MACROD2: variants seen among roughly 807,000 people sequenced by gnomAD.
MACROD2 encodes ADP-ribose glycohydrolase MACROD2.
Under a neutral mutation model 70.4 loss-of-function variants are expected in MACROD2, and 36 were observed. That is an observed-to-expected ratio of 0.51 (90% confidence interval 0.39 to 0.68). MACROD2 has a LOEUF of 0.68. Among genes scored for constraint, MACROD2 ranks in the 30% least tolerant of loss-of-function variants. The pLI, the probability that MACROD2 is intolerant of heterozygous loss-of-function variation, is 0.00. For synonymous variants in MACROD2, 172 were observed against 178.8 expected, an observed-to-expected ratio of 0.96 and a Z score of 0.30; for missense variants, 496 against 538.4, an observed-to-expected ratio of 0.92 and a Z score of 0.78.
rs533086876 is a variant in MACROD2, at chr20:14,260,640, C to T, written c.271+174912C>T. Among the ~76,000 whole-genome samples the T allele has an allele frequency of 5.3e-5, 8 of 152,290 alleles. No individual in the cohort carries two copies. The South Asian group carries it at 1.7e-3, about 32-fold the overall frequency. ...TTAAAGAGGCAATGTGATGTAGTGG[C>T]TTAGGACACAGTCTGGACAGACTGC... On this transcript the variant is annotated intron_variant, in intron 3 of 17. Coordinates refer to ENST00000684519, the MANE Select transcript of MACROD2 (RefSeq NM_001351661.2).
chr20:15,495,111 C>T (rs1253018435), intron 7 of MACROD2, among the ~76,000 whole-genome samples: 1 of 152,202 alleles, frequency 6.6e-6, no homozygotes, highest in East Asian at 1.9e-4. Context: ...AGCCTCCCCT[C>T]CGGGTGGCCA....
intron 6 of MACROD2, among the ~76,000 whole-genome samples, chr20:15,276,967 T>C (rs769438722): frequency 2.6e-5 from 4 of 152,228 alleles, no homozygotes; most frequent in Non-Finnish European, 4.4e-5. Flanking sequence ...AAGAAAAATA[T>C]AATTGGTATC....
intron 3 of MACROD2, among the ~76,000 whole-genome samples, chr20:14,098,133 A>G (rs1461104142): frequency 6.6e-6 from 1 of 152,214 alleles, no homozygotes; most frequent in Non-Finnish European, 1.5e-5. Context: ...AGTAAATGGT[A>G]GCAGAATTAT....
intron 4 of MACROD2, among the ~76,000 whole-genome samples, chr20:14,633,309 C>T (rs1292560108): frequency 6.6e-6 from 1 of 152,178 alleles, no homozygotes; most frequent in African/African-American, 2.4e-5. Flanking sequence ...TTGCTAAGAC[C>T]CTTTTTCCAC....
At chr20:14,394,385 A>C (rs912631713) in intron 3 of MACROD2, among the ~76,000 whole-genome samples, 1 of 152,304 alleles carries the variant, frequency 6.6e-6, no homozygotes, top group Non-Finnish European at 1.5e-5. Flanking sequence ...TAAATGGAAA[A>C]GGTTTTTATT....
Position 15,899,299 on chromosome 20 carries a change from T to C in MACROD2, c.775+13488T>C, listed in dbSNP as rs117855998. 3.9e-3 allele frequency among the ~76,000 whole-genome samples: 591 copies of C among 152,220 alleles called. 2 individuals are homozygous for C. Among genetic ancestry groups the C allele is most frequent in the South Asian group, 0.023 (113 of 4,834 alleles). On this transcript the variant is annotated intron_variant, in intron 10 of 17. Transcript: ENST00000684519. ...ACATACATACAGATATATACACATA[T>C]GTGTGTACATATATACATATATACA...
intron 4 of MACROD2, among the ~76,000 whole-genome samples, chr20:14,572,911 T>C (rs895440513): frequency 2.7e-5 from 4 of 150,796 alleles, no homozygotes; most frequent in Non-Finnish European, 5.9e-5. Context: ...TAATATAAAA[T>C]ATATAAAGAT....
At chr20:15,786,171 A>C (rs904704346) in intron 8 of MACROD2, among the ~76,000 whole-genome samples, 1 of 151,498 alleles carries the variant, frequency 6.6e-6, no homozygotes, top group Middle Eastern at 3.2e-3. Flanking sequence ...TAAAAAAAAA[A>C]AACCCAGCAG....
At chr20:15,010,057 C>A (rs923008706) in intron 5 of MACROD2, among the ~76,000 whole-genome samples, 4 of 152,092 alleles carry the variant, frequency 2.6e-5, no homozygotes, top group African/African-American at 9.7e-5. Flanking sequence ...ACATGTTGCC[C>A]TACAGAAATT....
At chr20:14,706,302 G>C (rs1159712580) in intron 5 of MACROD2, among the ~76,000 whole-genome samples, 5 of 146,906 alleles carry the variant, frequency 3.4e-5, no homozygotes, top group African/African-American at 5.0e-5. Flanking sequence ...GACAGAGCAA[G>C]ATTCTATATT....
intron 3 of MACROD2, among the ~76,000 whole-genome samples, chr20:14,148,088 G>T (rs1715509848): frequency 6.6e-6 from 1 of 152,132 alleles, no homozygotes; most frequent in Non-Finnish European, 1.5e-5. Context: ...TTGGATATTA[G>T]AATTAAGGTA....
chr20:16,033,852 G>C (rs2147589593), intron 15 of MACROD2, among the ~76,000 whole-genome samples: 1 of 151,536 alleles, frequency 6.6e-6, no homozygotes, highest in East Asian at 2.0e-4. Context: ...TATCACAGTA[G>C]GGGGTGGGGT....
intron 8 of MACROD2, among the ~76,000 whole-genome samples, chr20:15,635,991 C>T (rs1409789032): frequency 2.8e-5 from 4 of 145,016 alleles, no homozygotes; most frequent in African/African-American, 1.0e-4. Context: ...CTGTTCGAGC[C>T]CAAAAGGCGG....
chr20:15,517,854 T>C (rs1037599008), intron 8 of MACROD2, among the ~76,000 whole-genome samples: 3 of 152,214 alleles, frequency 2.0e-5, no homozygotes, highest in African/African-American at 7.2e-5. Context: ...GAAGAACTCA[T>C]AGTCTTAACA....
intron 5 of MACROD2, among the ~76,000 whole-genome samples, chr20:14,715,751 G>A (rs556589383): frequency 6.6e-6 from 1 of 152,220 alleles, no homozygotes; most frequent in African/African-American, 2.4e-5. Context: ...AGGGTCTGTG[G>A]GCTAAAAGGT....
chr20:14,123,701 C>T (rs2054612012), intron 3 of MACROD2, among the ~76,000 whole-genome samples: 1 of 152,036 alleles, frequency 6.6e-6, no homozygotes, highest in East Asian at 1.9e-4. Context: ...CCCTTGAGTG[C>T]ACTTATAAAG....
intron 6 of MACROD2, among the ~76,000 whole-genome samples, chr20:15,277,499 C>T (rs1224897928): frequency 2.0e-5 from 3 of 152,196 alleles, no homozygotes; most frequent in African/African-American, 7.2e-5. Context: ...ATAACCTGCA[C>T]CAGTGTTTCT....
chr20:15,086,429 T>A (rs17356806), intron 5 of MACROD2, among the ~76,000 whole-genome samples: 24,723 of 152,166 alleles, frequency 0.16, 2,832 homozygotes, highest in Non-Finnish European at 0.24. Context: ...CAGAATCAAC[T>A]AAGGGTCTTT....
intron 8 of MACROD2, among the ~76,000 whole-genome samples, chr20:15,682,191 C>A (rs2050169305): frequency 6.6e-6 from 1 of 152,118 alleles, no homozygotes; most frequent in Non-Finnish European, 1.5e-5. Flanking sequence ...AGTTCAGGGG[C>A]AGAGCTAAGT....
Sources: gnomAD v4.1 joint callset for allele counts (sites outside exome capture counted in the v4.1 genomes callset) on GRCh38, gnomAD v4.1.1 for gene constraint, MANE v1.5 for transcripts, NCBI Gene and HGNC (gene_info 2026-07-23, HGNC 2026-07-21) for gene names.